The following PCDHGA6 variants were observed in gnomAD, a reference collection of about 807,000 sequenced individuals.
PCDHGA6 encodes the protein protocadherin gamma subfamily A, 6.
A neutral mutation model predicts 60.6 loss-of-function variants in PCDHGA6; 41 were observed. The ratio of observed to expected loss-of-function variants is 0.68; its 90% CI spans 0.53 to 0.88. The LOEUF is 0.88. Among genes scored for constraint, PCDHGA6 ranks in the 40% least tolerant of loss-of-function variants. PCDHGA6 has a pLI of 0.00. For synonymous variants in PCDHGA6, 594 were observed against 524.4 expected, an observed-to-expected ratio of 1.13 and a Z score of -1.81; for missense variants, 1,312 against 1,203.0, an observed-to-expected ratio of 1.09 and a Z score of -1.34.
At chr5:141,419,088 T>C in intron 1 of PCDHGA6, 3 of 1,613,940 alleles carry the variant, frequency 1.9e-6, no homozygotes, top group Non-Finnish European at 2.5e-6. Context: ...GATGAGGCCC[T>C]GGATCGGGAG....
intron 1 of PCDHGA6, among the ~76,000 whole-genome samples, chr5:141,461,886 C>T (rs944110458): frequency 3.3e-5 from 5 of 151,972 alleles, no homozygotes; most frequent in South Asian, 2.1e-4. Context: ...TGCAATGGCA[C>T]GATCTCGGCT....
At position 141,431,026 on chromosome 5, in the gene PCDHGA6, G is replaced by A; in HGVS notation, c.2424+54519G>A. On this transcript the variant is annotated intron_variant, in intron 1 of 3. Coordinates refer to ENST00000517434, the MANE Select transcript of PCDHGA6 (RefSeq NM_018919.3). This position sits in a 1 kb window ranked among gnomAD's most constrained non-coding sequence, Gnocchi z 4.8. Reference sequence around the variant, plus strand: ...GCGGCAGCTTGGTCACGGCGGGCAGGATAGACCGGGAGGAGCTCTGTATGG... The same window carrying A: ...GCGGCAGCTTGGTCACGGCGGGCAGAATAGACCGGGAGGAGCTCTGTATGG... The A allele has an allele frequency of 1.2e-6, 2 of 1,614,118 alleles. No homozygotes were observed. The highest frequency in any genetic ancestry group is 1.7e-6 in the Non-Finnish European group (2 of 1,179,960).
intron 1 of PCDHGA6, chr5:141,393,269 T>C (rs1481759237): frequency 1.2e-6 from 2 of 1,613,832 alleles, no homozygotes; most frequent in Non-Finnish European, 1.7e-6. Flanking sequence ...GAGCACGTTA[T>C]CCACTCCCAG....
At chr5:141,462,523 G>GTGTT (rs2099041548) in intron 1 of PCDHGA6, among the ~76,000 whole-genome samples, 1 of 152,024 alleles carries the variant, frequency 6.6e-6, no homozygotes, top group African/African-American at 2.4e-5. Context: ...GTTAGTAAGA[G>GTGTT]TGTTGTTCAG....
At position 141,511,516 on chromosome 5, in the gene PCDHGA6, T is replaced by A. The variant is rs2099883825; in HGVS notation, c.*343T>A. ...CTTCCAAATCAATCAGGCCCATCCA[T>A]CCCATGCCTCCCTCCTCCCCACCCC... is the stretch of plus-strand genomic sequence containing the variant. On this transcript the variant is annotated 3_prime_UTR_variant, in exon 4 of 4. Transcript: ENST00000517434. 1 of 365,020 alleles carries A rather than the reference T, an allele frequency of 2.7e-6. No individual in the cohort carries two copies. Among genetic ancestry groups the A allele is most frequent in the Admixed American group, 4.0e-5 (1 of 25,162 alleles). The allele number at this position is 365,020 out of a possible 1,614,324, so 22.6% of individuals were successfully genotyped here.
intron 1 of PCDHGA6, among the ~76,000 whole-genome samples, chr5:141,447,954 CGGACACCTA>C (rs2098556369): frequency 6.6e-6 from 1 of 151,814 alleles, no homozygotes; most frequent in Non-Finnish European, 1.5e-5. Context: ...GGCATGGTGG[CGGACACCTA>C]TAATCCCAGC....
chr5:141,501,164 G>C (rs991995325), intron 2 of PCDHGA6, among the ~76,000 whole-genome samples: 32 of 152,144 alleles, frequency 2.1e-4, no homozygotes, highest in African/African-American at 7.7e-4. Context: ...ACCATCCCCA[G>C]CCTCATTTAC....
chr5:141,419,694 G>T, intron 1 of PCDHGA6: 2 of 1,612,974 alleles, frequency 1.2e-6, no homozygotes, highest in South Asian at 1.1e-5. Context: ...GTGCAGGCCA[G>T]TGAGCCCGGG....
Position 141,493,685 on chromosome 5 carries a change from G to A in PCDHGA6, c.2425-1122G>A, listed in dbSNP as rs139973755. ...CCATGGCAGCCCCAGAATGGTGCTG[G>A]TGACTCCCGATACACCTGGAATGCT... On this transcript the variant is annotated intron_variant, in intron 1 of 3. Transcript: ENST00000517434. The surrounding 1 kb of genome is among the most constrained non-coding windows in gnomAD (Gnocchi z 4.3). 1.1e-3 allele frequency among the ~76,000 whole-genome samples: 165 copies of A among 152,282 alleles called. 3 individuals carry two copies. The highest frequency in any genetic ancestry group is 8.2e-3 in the Admixed American group (125 of 15,298).
At chr5:141,478,891 A>G (rs1045274228) in intron 1 of PCDHGA6, 10 of 1,122,064 alleles carry the variant, frequency 8.9e-6, no homozygotes, top group Admixed American at 3.1e-5. Context: ...TATCATTTAC[A>G]TTAGGAATAA....
intron 1 of PCDHGA6, chr5:141,384,678 G>A (rs770501792): frequency 5.0e-6 from 8 of 1,614,194 alleles, no homozygotes; most frequent in Middle Eastern, 3.3e-4. Flanking sequence ...AGGTGGTGGC[G>A]GTGGACAAAG....
rs753872678 is a variant in PCDHGA6, at chr5:141,431,407, C to G, written c.2424+54900C>G. 4 of 1,613,716 alleles carry G rather than the reference C, an allele frequency of 2.5e-6. No individual in the cohort carries two copies. Among genetic ancestry groups the G allele is most frequent in the Non-Finnish European group, 3.4e-6 (4 of 1,180,048 alleles). The stretch of plus-strand genomic sequence containing the variant: ...ACCACCTGGTCCTTACGGCCTCCGA[C>G]GGGGGCGACCCGGTGCGCACAGGCA... On this transcript the variant is annotated intron_variant, in intron 1 of 3. Coordinates refer to ENST00000517434, the MANE Select transcript of PCDHGA6 (RefSeq NM_018919.3). This position sits in a 1 kb window ranked among gnomAD's most constrained non-coding sequence, Gnocchi z 4.8.
At chr5:141,497,904 A>G (rs939422338) in intron 2 of PCDHGA6, among the ~76,000 whole-genome samples, 2 of 152,136 alleles carry the variant, frequency 1.3e-5, no homozygotes, top group African/African-American at 2.4e-5. Context: ...AGTAACTTCA[A>G]CTTCTCTCCT....
At chr5:141,389,649 G>A in intron 1 of PCDHGA6, 2 of 1,612,716 alleles carry the variant, frequency 1.2e-6, no homozygotes, top group Non-Finnish European at 1.7e-6. Context: ...GGTGACCAAG[G>A]TAGTGGCGGT....
In PCDHGA6 at chr5:141,477,825, C is replaced by A; in HGVS notation, c.2425-16982C>A. The A allele has an allele frequency of 2.5e-6, 4 of 1,614,174 alleles. No individual in the cohort carries two copies. The South Asian group carries it at 4.4e-5, about 18-fold the overall frequency. On this transcript the variant is annotated intron_variant, in intron 1 of 3. Transcript: ENST00000517434. This position sits in a 1 kb window ranked among gnomAD's most constrained non-coding sequence, Gnocchi z 4.9. ...GACAATGCCCCCCAGGTCCTATATC[C>A]TCGGCCAGGTGGGAGCTCGGTGGAG...
At chr5:141,478,733 T>C (rs1562072874) in intron 1 of PCDHGA6, 8 of 1,537,128 alleles carry the variant, frequency 5.2e-6, no homozygotes, top group Non-Finnish European at 7.0e-6. Context: ...AGAGTGTGGT[T>C]TGTGGTCCCA....
At chr5:141,496,373 C>T (rs1315450867) in intron 2 of PCDHGA6, among the ~76,000 whole-genome samples, 2 of 152,216 alleles carry the variant, frequency 1.3e-5, no homozygotes. Flanking sequence ...GAAGCAGGAG[C>T]TTGGGCCACC....
intron 1 of PCDHGA6, chr5:141,395,139 G>C: frequency 6.2e-7 from 1 of 1,614,144 alleles, no homozygotes. Flanking sequence ...GCCCAACTAC[G>C]CAGACATGCT....
At chr5:141,421,824 A>G in intron 1 of PCDHGA6, 1 of 1,613,768 alleles carries the variant, frequency 6.2e-7, no homozygotes, top group Non-Finnish European at 8.5e-7. Flanking sequence ...TACTGGAGGG[A>G]AGCCTGGACC....
Sources: gnomAD v4.1 joint callset for allele counts (sites outside exome capture counted in the v4.1 genomes callset) on GRCh38, gnomAD v4.1.1 for gene constraint, Gnocchi (gnomAD v3.1) non-coding constraint, MANE v1.5 for transcripts, NCBI Gene and HGNC (gene_info 2026-07-23, HGNC 2026-07-21) for gene names.